CDYL: variants seen among roughly 807,000 people sequenced by gnomAD.
CDYL encodes chromodomain Y-like protein.
Under a neutral mutation model 47.3 loss-of-function variants are expected in CDYL, and 8 were observed. That is an observed-to-expected ratio of 0.17 (90% CI 0.10 to 0.31). CDYL has a LOEUF of 0.31. Ranked by LOEUF, CDYL falls within the 10% of genes least tolerant of loss-of-function variation. The pLI is 1.00. For missense variants in CDYL, 471 were observed against 701.4 expected, an observed-to-expected ratio of 0.67 and a Z score of 3.71; for synonymous variants, 266 against 265.0, an observed-to-expected ratio of 1.00 and a Z score of -0.04.
chr6:4,755,845 T>C (rs555895774), intron 3 of CDYL, among the ~76,000 whole-genome samples: 38 of 152,326 alleles, frequency 2.5e-4, no homozygotes, highest in African/African-American at 8.4e-4. Flanking sequence ...TCAAGTGTCA[T>C]GTTAAGTGGT....
At chr6:4,816,960 C>T (rs1759694055) in intron 1 of CDYL, among the ~76,000 whole-genome samples, 1 of 152,162 alleles carries the variant, frequency 6.6e-6, no homozygotes, top group African/African-American at 2.4e-5. Flanking sequence ...ACCCCCAATT[C>T]TCATATACCC....
chr6:4,879,773 T>C (rs1334602063), intron 1 of CDYL, among the ~76,000 whole-genome samples: 1 of 152,130 alleles, frequency 6.6e-6, no homozygotes, highest in Non-Finnish European at 1.5e-5. Context: ...TTGGCCAGGC[T>C]AGTCTTGGAC....
intron 1 of CDYL, among the ~76,000 whole-genome samples, chr6:4,846,952 C>G (rs77802003): frequency 6.6e-6 from 1 of 152,112 alleles, no homozygotes; most frequent in East Asian, 1.9e-4. Flanking sequence ...CAAAGTAGCC[C>G]CCTATTAGGT....
intron 1 of CDYL, among the ~76,000 whole-genome samples, chr6:4,797,801 ATACAC>A (rs1759117394): frequency 6.6e-6 from 1 of 152,182 alleles, no homozygotes; most frequent in African/African-American, 2.4e-5. Context: ...CATTTTGTGG[ATACAC>A]TGTGACTTGT....
At chr6:4,831,653 T>G (rs1760147696) in intron 1 of CDYL, among the ~76,000 whole-genome samples, 1 of 152,138 alleles carries the variant, frequency 6.6e-6, no homozygotes, top group Admixed American at 6.5e-5. Context: ...GCATTGAATC[T>G]ATAAATTACC....
intron 1 of CDYL, among the ~76,000 whole-genome samples, chr6:4,833,179 G>A (rs1370874408): frequency 0.013 from 1,826 of 139,686 alleles, 19 homozygotes; most frequent in African/African-American, 0.054. Flanking sequence ...TGTCAATTTT[G>A]GATCTTTCCT....
chr6:4,911,690 C>G (rs1432420331), intron 2 of CDYL, among the ~76,000 whole-genome samples: 2 of 152,122 alleles, frequency 1.3e-5, no homozygotes, highest in African/African-American at 4.8e-5. Context: ...AGAAAAGAAT[C>G]TATAATTTTC....
intron 1 of CDYL, among the ~76,000 whole-genome samples, chr6:4,707,552 G>A (rs1028874994): frequency 1.2e-4 from 18 of 152,154 alleles, no homozygotes; most frequent in African/African-American, 3.9e-4. Flanking sequence ...GATTACAGGC[G>A]TGAGCCACAG....
At chr6:4,871,080 AGT>A (rs1761460210) in intron 1 of CDYL, among the ~76,000 whole-genome samples, 1 of 151,986 alleles carries the variant, frequency 6.6e-6, no homozygotes, top group Non-Finnish European at 1.5e-5. Flanking sequence ...TTGTTTTATG[AGT>A]GTGTGTTTAT....
intron 1 of CDYL, among the ~76,000 whole-genome samples, chr6:4,822,762 C>T (rs942929622): frequency 6.6e-6 from 1 of 152,154 alleles, no homozygotes; most frequent in African/African-American, 2.4e-5. Flanking sequence ...AAAATATTTT[C>T]AGTGAGTTTT....
At chr6:4,859,423 A>C (rs1439418015) in intron 1 of CDYL, among the ~76,000 whole-genome samples, 3 of 152,022 alleles carry the variant, frequency 2.0e-5, no homozygotes, top group Admixed American at 6.5e-5. Context: ...CTTGCATCAC[A>C]GAAGAAGAAG....
At chr6:4,912,146 G>A (rs996188220) in intron 2 of CDYL, among the ~76,000 whole-genome samples, 3 of 152,226 alleles carry the variant, frequency 2.0e-5, no homozygotes, top group Non-Finnish European at 4.4e-5. Context: ...CATAAAGAAC[G>A]AGATGATCCC....
At chr6:4,836,162 C>G in intron 1 of CDYL, 1 of 327,078 alleles carries the variant, frequency 3.1e-6, no homozygotes, top group Non-Finnish European at 4.4e-6. Context: ...AATCACCTGT[C>G]TTCTGCGTCG....
chr6:4,782,373 CA>C (rs1209952791), intron 1 of CDYL, among the ~76,000 whole-genome samples: 1 of 152,138 alleles, frequency 6.6e-6, no homozygotes, highest in African/African-American at 2.4e-5. Context: ...GAGTGAATTA[CA>C]GGAATGAATC....
At chr6:4,896,451 C>A (rs1762286304) in intron 2 of CDYL, among the ~76,000 whole-genome samples, 2 of 152,126 alleles carry the variant, frequency 1.3e-5, no homozygotes. Context: ...TGGAGTGATT[C>A]CAGTAGAATG....
At chr6:4,789,994 T>C (rs1017648025) in intron 1 of CDYL, among the ~76,000 whole-genome samples, 3 of 152,190 alleles carry the variant, frequency 2.0e-5, no homozygotes, top group Non-Finnish European at 4.4e-5. Flanking sequence ...TGCTGGAGAA[T>C]GGGTTTTCTC....
At chr6:4,835,395 G>A (rs138783611) in intron 1 of CDYL, among the ~76,000 whole-genome samples, 54 of 152,306 alleles carry the variant, frequency 3.5e-4, no homozygotes, top group Non-Finnish European at 6.9e-4. Flanking sequence ...GGTTTATCAT[G>A]AACCACGAAT....
chr6:4,892,557 C>T (rs982090272), intron 2 of CDYL, among the ~76,000 whole-genome samples, 178 bp downstream of exon 2: 2 of 152,312 alleles, frequency 1.3e-5, no homozygotes, highest in African/African-American at 2.4e-5. Flanking sequence ...TCTCTTAATT[C>T]GGCAACTAGT....
At chr6:4,946,096 C>G (rs1758507789) in intron 5 of CDYL, among the ~76,000 whole-genome samples, 1 of 152,210 alleles carries the variant, frequency 6.6e-6, no homozygotes, top group Non-Finnish European at 1.5e-5. Context: ...CACTCAGTAG[C>G]AACAGCGACT....
Sources: gnomAD v4.1 joint callset for allele counts (sites outside exome capture counted in the v4.1 genomes callset) on GRCh38, gnomAD v4.1.1 for gene constraint, MANE v1.5 for transcripts, NCBI Gene and HGNC (gene_info 2026-07-23, HGNC 2026-07-21) for gene names.